The following SNX1 variants were observed in gnomAD, a reference collection of about 807,000 sequenced individuals.
The protein encoded by SNX1 is sorting nexin 1, also known as sorting nexin-1.
SNX1 carries 36 observed loss-of-function variants against 71.8 expected under a neutral mutation model. The observed-to-expected ratio is 0.50, with a 90% CI of 0.38 to 0.66. The LOEUF is 0.66. SNX1 is among the 30% of genes least tolerant of loss of function. The pLI is 0.00. For synonymous variants in SNX1, 254 were observed against 240.7 expected, an observed-to-expected ratio of 1.06 and a Z score of -0.51; for missense variants, 612 against 646.7, an observed-to-expected ratio of 0.95 and a Z score of 0.58.
intron 6 of SNX1, 118 bp downstream of exon 6, chr15:64,126,338 A>G (rs2081252473): frequency 1.7e-6 from 2 of 1,166,524 alleles, no homozygotes; most frequent in East Asian, 2.5e-5. Flanking sequence ...TAGAAAAGAG[A>G]CATTTCCAGT....
Position 64,142,761 on chromosome 15 carries a change from C to A in SNX1, c.*5143C>A, listed in dbSNP as rs1436947568. ...GGACTGGACTTCGAGCTGGTGTGAT[C>A]CCAGTATTCAGTGTCAGTACTCAGT... On this transcript the variant is annotated 3_prime_UTR_variant, in exon 15 of 15. Coordinates refer to ENST00000559844, the MANE Select transcript of SNX1 (RefSeq NM_003099.5). The A allele has an allele frequency of 2.2e-6, 1 of 451,768 alleles. No homozygotes were observed. Among genetic ancestry groups the A allele is most frequent in the Non-Finnish European group, 4.4e-6 (1 of 224,964 alleles). The allele number at this position is 451,768 out of a possible 1,614,324, so 28.0% of individuals were successfully genotyped here.
intron 14 of SNX1, 48 bp downstream of exon 14, chr15:64,136,980 G>C (rs376760048): frequency 1.2e-5 from 18 of 1,502,456 alleles, no homozygotes; most frequent in Non-Finnish European, 1.6e-5. Flanking sequence ...TGCTCCAAAG[G>C]CCAGCTGCCT....
rs565447048 is a variant in SNX1, at chr15:64,123,985, A to G, written c.510+439A>G. ...ACAAAATGTATACAATGTTGTATAC[A>G]AGTTAGGAAGCATAATAAATGAAGC... On this transcript the variant is annotated intron_variant, in intron 5 of 14. Coordinates refer to ENST00000559844, the MANE Select transcript of SNX1 (RefSeq NM_003099.5). 4.6e-5 allele frequency among the ~76,000 whole-genome samples: 7 copies of G among 152,010 alleles called. No individual in the cohort carries two copies. In the East Asian group the frequency reaches 1.4e-3, roughly 29 times the overall value.
intron 1 of SNX1, among the ~76,000 whole-genome samples, chr15:64,099,007 C>T (rs2080930914): frequency 6.6e-6 from 1 of 152,092 alleles, no homozygotes; most frequent in African/African-American, 2.4e-5. Context: ...CAAGAGAGCT[C>T]GCTAGTTTAA....
At chr15:64,115,581 T>C in intron 2 of SNX1, 1 of 341,522 alleles carries the variant, frequency 2.9e-6, no homozygotes, top group Non-Finnish European at 5.8e-6. Context: ...TTTTTTTTTT[T>C]GAGACAGGGT....
intron 1 of SNX1, among the ~76,000 whole-genome samples, chr15:64,101,185 G>T (rs917342822): frequency 2.6e-5 from 4 of 152,192 alleles, no homozygotes; most frequent in Non-Finnish European, 5.9e-5. Context: ...GTATAGTTTA[G>T]TAGCACTAAG....
At chr15:64,107,888 A>T (rs370385395) in intron 1 of SNX1, among the ~76,000 whole-genome samples, 5 of 152,120 alleles carry the variant, frequency 3.3e-5, no homozygotes, top group African/African-American at 1.2e-4. Context: ...ACTGCTAAGG[A>T]GTTTTTTAAA....
At chr15:64,124,732 A>T (rs1315274854) in intron 5 of SNX1, among the ~76,000 whole-genome samples, 1 of 152,182 alleles carries the variant, frequency 6.6e-6, no homozygotes, top group Non-Finnish European at 1.5e-5. Flanking sequence ...ATTTCTCTAG[A>T]GTATGTAACC....
Position 64,134,744 on chromosome 15 carries a change from G to C in SNX1, c.1302G>C (p.Glu434Asp), listed in dbSNP as rs1350167240. ...QATLQKKREAEARLLWANKPD... is the reference protein window; with the variant it reads ...QATLQKKREADARLLWANKPD... ...CACTGCAGAAGAAGCGGGAGGCCGA[G>C]GCTCGGCTGCTGTGGGCCAACAAGC... Residue 434 changes from glutamate to aspartate, a missense_variant, in exon 12 of 15, where the codon GAG becomes GAC. Physicochemically the swap from Glu to Asp is conservative, Grantham distance 45. Around this residue, in one of 2 missense-constraint regions of SNX1, gnomAD observed 296 missense variants for 361.9 expected, o/e 0.82. Transcript: ENST00000559844. This position sits in a 1 kb window ranked among gnomAD's most constrained non-coding sequence, Gnocchi z 4.1. 7.4e-6 allele frequency: 12 copies of C among 1,613,852 alleles called. No homozygotes were observed. In the Admixed American group the frequency reaches 2.0e-4, roughly 27 times the overall value.
Position 64,141,378 on chromosome 15 carries a change from A to C in SNX1, c.*3760A>C, listed in dbSNP as rs2081413027. Reference sequence around the variant, plus strand: ...TTAGGGCTTGTGCATTTTTGTAAAGAGCTTGCACGTGTGGAAATCAAGTAG... The same window carrying C: ...TTAGGGCTTGTGCATTTTTGTAAAGCGCTTGCACGTGTGGAAATCAAGTAG... On this transcript the variant is annotated 3_prime_UTR_variant, in exon 15 of 15. Transcript: ENST00000559844. The surrounding 1 kb of genome is among the most constrained non-coding windows in gnomAD (Gnocchi z 5.1). The C allele has an allele frequency of 6.6e-6, 1 of 152,142 alleles. No homozygotes were observed. The highest frequency in any genetic ancestry group is 2.1e-4 in the South Asian group (1 of 4,824). The allele number at this position is 152,142 out of a possible 1,614,324, so 9.4% of individuals were successfully genotyped here.
At chr15:64,096,792 A>G (rs1217330396) in intron 1 of SNX1, among the ~76,000 whole-genome samples, 2 of 152,210 alleles carry the variant, frequency 1.3e-5, no homozygotes, top group African/African-American at 2.4e-5. Flanking sequence ...TTTTAAAGGG[A>G]TGTGTTCAAG....
At position 64,137,675 on chromosome 15, in the gene SNX1, C is replaced by A. The variant is rs2081373334; in HGVS notation, c.*57C>A. On this transcript the variant is annotated 3_prime_UTR_variant, in exon 15 of 15. Transcript: ENST00000559844. ...ACGCTGCCTTTTTATACACTGTCCT[C>A]CTCCACCTTGATGGACCCCTAGTGA... The A allele has an allele frequency of 2.5e-6, 4 of 1,612,256 alleles. No individual in the cohort carries two copies. In the South Asian group the frequency reaches 4.4e-5, roughly 18 times the overall value.
intron 1 of SNX1, among the ~76,000 whole-genome samples, chr15:64,102,761 C>CTTTTTTTTTTTTTTTTTT (rs60616312): frequency 1.3e-5 from 1 of 76,408 alleles, no homozygotes; most frequent in Non-Finnish European, 2.3e-5. Context: ...ACCACGCCTT[C>CTTTTTTTTTTTTTTTTTT]TTTTTTTTTT....
At chr15:64,116,804 T>G (rs571819208) in intron 2 of SNX1, among the ~76,000 whole-genome samples, 2 of 152,356 alleles carry the variant, frequency 1.3e-5, no homozygotes, top group African/African-American at 4.8e-5. Flanking sequence ...ATAAAAAATT[T>G]TAATGCCTAG....
intron 10 of SNX1, 21 bp from the exon 11 acceptor site, chr15:64,131,666 G>A: frequency 6.2e-7 from 1 of 1,611,316 alleles, no homozygotes; most frequent in Non-Finnish European, 8.5e-7. Context: ...AGAGGCCTCT[G>A]CTGTCTTTTC....
At chr15:64,106,768 A>G (rs1407179060) in intron 1 of SNX1, among the ~76,000 whole-genome samples, 1 of 152,244 alleles carries the variant, frequency 6.6e-6, no homozygotes, top group East Asian at 1.9e-4. Flanking sequence ...CCGTGAGGCA[A>G]AGAACCCTAG....
chr15:64,134,564 G>T lies in SNX1; in HGVS notation c.1222-100G>T, dbSNP rs1567332828. On this transcript the variant is annotated intron_variant, in intron 11 of 14. Transcript: ENST00000559844. The surrounding 1 kb of genome is among the most constrained non-coding windows in gnomAD (Gnocchi z 4.1). ...TGGCTGCAGAACCTGCCCTTGCTCAGTCTGTCCCTGGTGCAGCTGCTGGGA... is the reference window on the plus strand; with the variant it reads ...TGGCTGCAGAACCTGCCCTTGCTCATTCTGTCCCTGGTGCAGCTGCTGGGA... 2 of 1,423,040 alleles carry T rather than the reference G, an allele frequency of 1.4e-6. No homozygotes were observed. The highest frequency in any genetic ancestry group is 2.4e-5 in the East Asian group (1 of 41,964). The allele number at this position is 1,423,040 out of a possible 1,614,324, so 88.2% of individuals were successfully genotyped here.
chr15:64,136,536 G>A (rs919654476), intron 13 of SNX1, 126 bp downstream of exon 13: 26 of 807,456 alleles, frequency 3.2e-5, no homozygotes, highest in African/African-American at 3.2e-4. Flanking sequence ...GTGAGCAGGC[G>A]TGGCCTTCTT....
intron 4 of SNX1, among the ~76,000 whole-genome samples, chr15:64,120,910 G>A (rs371781402): frequency 6.6e-6 from 1 of 152,104 alleles, no homozygotes; most frequent in East Asian, 1.9e-4. Flanking sequence ...TGGACTGGTA[G>A]GATGTTTTTG....
Sources: gnomAD v4.1 joint callset for allele counts (sites outside exome capture counted in the v4.1 genomes callset) on GRCh38, gnomAD v4.1.1 for gene constraint, gnomAD v4.1.1 regional missense constraint, Gnocchi (gnomAD v3.1) non-coding constraint, MANE v1.5 for transcripts, NCBI Gene and HGNC (gene_info 2026-07-23, HGNC 2026-07-21) for gene names.